AK8: variants seen among roughly 807,000 people sequenced by gnomAD.
AK8 encodes the protein ATP-AMP transphosphorylase 8.
AK8 carries 44 observed loss-of-function variants against 54.6 expected under a neutral mutation model. That is an observed-to-expected ratio of 0.81 (90% CI 0.63 to 1.04). AK8 has a LOEUF of 1.04. Ranked by LOEUF, AK8 falls within the 50% of genes least tolerant of loss-of-function variation. The probability of loss-of-function intolerance (pLI) is 0.00; values close to 1 mark genes in which losing one functional copy is unlikely to be tolerated. For missense variants in AK8, 555 were observed against 613.6 expected, an observed-to-expected ratio of 0.90 and a Z score of 1.01; for synonymous variants, 239 against 245.6, an observed-to-expected ratio of 0.97 and a Z score of 0.25.
At chr9:132,743,261 C>T (rs1430588565) in intron 11 of AK8, among the ~76,000 whole-genome samples, 4 of 152,262 alleles carry the variant, frequency 2.6e-5, no homozygotes, top group Non-Finnish European at 4.4e-5. Context: ...TCGGGCGGCC[C>T]CACAGGCACG....
chr9:132,822,898 G>T (rs1841703674), intron 9 of AK8, among the ~76,000 whole-genome samples: 1 of 152,016 alleles, frequency 6.6e-6, no homozygotes, highest in Non-Finnish European at 1.5e-5. Context: ...GCCACCCCTG[G>T]TGTACAGCAC....
chr9:132,857,198 C>T (rs1209908542), intron 4 of AK8, among the ~76,000 whole-genome samples: 2 of 152,184 alleles, frequency 1.3e-5, no homozygotes, highest in Non-Finnish European at 2.9e-5. Context: ...CAACAGAATG[C>T]TGGCAGAGCT....
At chr9:132,846,035 C>T (rs1426769734) in intron 5 of AK8, among the ~76,000 whole-genome samples, 1 of 152,188 alleles carries the variant, frequency 6.6e-6, no homozygotes. Context: ...GTGGGACACA[C>T]AGACGATCAC....
chr9:132,770,455 G>A lies in AK8; in HGVS notation c.1121+22179C>T, dbSNP rs566469093. Among the ~76,000 whole-genome samples, 11 of 152,338 alleles carry A rather than the reference G, an allele frequency of 7.2e-5. No homozygotes were observed. The highest frequency in any genetic ancestry group is 4.1e-4 in the South Asian group (2 of 4,830). ...AGCCCAGAACGCTGGCTGGGGTAGG[G>A]GGTGGGGCAGGGGCGAGGGGACACC... On this transcript the variant is annotated intron_variant, in intron 11 of 12. Coordinates refer to ENST00000298545, the MANE Select transcript of AK8 (RefSeq NM_152572.3). This position sits in a 1 kb window ranked among gnomAD's most constrained non-coding sequence, Gnocchi z 4.3.
rs532282225 is a variant in AK8 at position 132,863,650 on chromosome 9, C to T, written c.333+15G>A. ...GCTGCTGTGTGCCTACCCCTGTCCC[C>T]GGGGCCAGTCCTACCTTCCTTTGCA... On this transcript the variant is annotated intron_variant, in intron 4 of 12. Coordinates refer to ENST00000298545, the MANE Select transcript of AK8 (RefSeq NM_152572.3). 1.3e-5 allele frequency: 20 copies of T among 1,590,256 alleles called. No homozygotes were observed. The highest frequency in any genetic ancestry group is 1.1e-4 in the East Asian group (5 of 44,786).
At position 132,791,322 on chromosome 9, in the gene AK8, C is replaced by A. The variant is rs938043117; in HGVS notation, c.1121+1312G>T. ...ATCATGAGAACAGCATGGAGGAAAC[C>A]GCCCCCATGATCCGATCACCTCTCA... On this transcript the variant is annotated intron_variant, in intron 11 of 12. Transcript: ENST00000298545. This position sits in a 1 kb window ranked among gnomAD's most constrained non-coding sequence, Gnocchi z 4.0. Among the ~76,000 whole-genome samples, 3 of 152,070 alleles carry A rather than the reference C, an allele frequency of 2.0e-5. No individual in the cohort carries two copies. The highest frequency in any genetic ancestry group is 4.8e-5 in the African/African-American group (2 of 41,400).
chr9:132,794,247 T>C (rs879282259), intron 10 of AK8, among the ~76,000 whole-genome samples: 2 of 152,178 alleles, frequency 1.3e-5, no homozygotes, highest in Non-Finnish European at 2.9e-5. Flanking sequence ...CTTCAGCGAA[T>C]CCCATCCCTT....
chr9:132,824,698 A>G (rs1312408675), intron 8 of AK8, among the ~76,000 whole-genome samples: 1 of 152,188 alleles, frequency 6.6e-6, no homozygotes, highest in Non-Finnish European at 1.5e-5. Context: ...AACCGCTGGG[A>G]TATGTTCATT....
chr9:132,878,671 A>G (rs1844273404), upstream of AK8: 2 of 998,278 alleles, frequency 2.0e-6, no homozygotes, highest in African/African-American at 3.5e-5. The surrounding 1 kb of genome is among the most constrained non-coding windows in gnomAD (Gnocchi z 4.7). Context: ...AGACGCGGGA[A>G]TAAATGTGGG....
chr9:132,844,676 G>C (rs1015544232), intron 5 of AK8, among the ~76,000 whole-genome samples: 3 of 152,204 alleles, frequency 2.0e-5, no homozygotes, highest in African/African-American at 4.8e-5. Context: ...AAAACAAATT[G>C]AAGGAGATAT....
chr9:132,826,012 C>T lies in AK8; in HGVS notation c.757+842G>A, dbSNP rs1371613887. On this transcript the variant is annotated intron_variant, in intron 8 of 12. Transcript: ENST00000298545. This position sits in a 1 kb window ranked among gnomAD's most constrained non-coding sequence, Gnocchi z 4.5. The stretch of plus-strand genomic sequence containing the variant: ...GCTGTTTGGGGATAGAATTATTCTA[C>T]CTTGCCCTTGCCTTTTTGGGCAGGG... 6.6e-6 allele frequency among the ~76,000 whole-genome samples: 1 copy of T among 152,122 alleles called. No individual in the cohort carries two copies. Among genetic ancestry groups the T allele is most frequent in the Non-Finnish European group, 1.5e-5 (1 of 68,018 alleles).
chr9:132,791,088 A>T lies in AK8; in HGVS notation c.1121+1546T>A, dbSNP rs1373712621. ...CCGTTTCACACTGCTATAAACAACT[A>T]CTTGAGACTGGGTAATTTATAAAGG... On this transcript the variant is annotated intron_variant, in intron 11 of 12. Coordinates refer to ENST00000298545, the MANE Select transcript of AK8 (RefSeq NM_152572.3). This position sits in a 1 kb window ranked among gnomAD's most constrained non-coding sequence, Gnocchi z 4.0. Among the ~76,000 whole-genome samples the T allele has an allele frequency of 6.6e-6, 1 of 152,204 alleles. No homozygotes were observed. The highest frequency in any genetic ancestry group is 1.5e-5 in the Non-Finnish European group (1 of 68,040).
At position 132,828,532 on chromosome 9, in the gene AK8, T is replaced by C. The variant is rs1230052314; in HGVS notation, c.484+113A>G. The C allele has an allele frequency of 4.7e-6, 4 of 852,842 alleles. No homozygotes were observed. In the African/African-American group the frequency reaches 5.2e-5, roughly 11 times the overall value. 52.8% of individuals were successfully genotyped at this position (852,842 alleles called of 1,614,324 possible). On this transcript the variant is annotated intron_variant, in intron 6 of 12. Coordinates refer to ENST00000298545, the MANE Select transcript of AK8 (RefSeq NM_152572.3). ...TTGTGCTGTCCTCTTCCTTGCTGGGTCTCAGACGGTGCCTGGGCTGAGGTC... is the reference window on the plus strand; with the variant it reads ...TTGTGCTGTCCTCTTCCTTGCTGGGCCTCAGACGGTGCCTGGGCTGAGGTC...
intron 10 of AK8, among the ~76,000 whole-genome samples, chr9:132,794,953 C>T (rs1025664342): frequency 6.6e-6 from 1 of 152,220 alleles, no homozygotes; most frequent in Non-Finnish European, 1.5e-5. Flanking sequence ...TGGCACACAG[C>T]CGACACTCAA....
chr9:132,775,979 C>T (rs2131106531), intron 11 of AK8, among the ~76,000 whole-genome samples: 1 of 152,332 alleles, frequency 6.6e-6, no homozygotes, highest in Admixed American at 6.5e-5. Context: ...ACACAGACAA[C>T]ACACCTAGCA....
rs995480439 is a variant in AK8 at position 132,770,772 on chromosome 9, C to T, written c.1121+21862G>A. Among the ~76,000 whole-genome samples, 36 of 152,194 alleles carry T rather than the reference C, an allele frequency of 2.4e-4. No individual in the cohort carries two copies. The highest frequency in any genetic ancestry group is 8.2e-4 in the African/African-American group (34 of 41,458). On this transcript the variant is annotated intron_variant, in intron 11 of 12. Coordinates refer to ENST00000298545, the MANE Select transcript of AK8 (RefSeq NM_152572.3). This position sits in a 1 kb window ranked among gnomAD's most constrained non-coding sequence, Gnocchi z 4.3. ...TTGCTCCCTGTTGACCCCCATTCCC[C>T]CTCCCCTGGATCCAGGAACCCAGTG... is the stretch of plus-strand genomic sequence containing the variant.
chr9:132,861,654 G>A (rs903982590), intron 4 of AK8: 3 of 152,190 alleles, frequency 2.0e-5, no homozygotes, highest in African/African-American at 7.2e-5. Flanking sequence ...TGCTTAGGAG[G>A]GCAAAGCTAA....
chr9:132,862,237 C>A (rs543303737), intron 4 of AK8, among the ~76,000 whole-genome samples: 1 of 152,188 alleles, frequency 6.6e-6, no homozygotes, highest in South Asian at 2.1e-4. Flanking sequence ...GGGGTGGCCG[C>A]CTTGCTGAGC....
Position 132,746,727 on chromosome 9 carries a change from C to G in AK8, c.1122-19193G>C, listed in dbSNP as rs17149715. Among the ~76,000 whole-genome samples the G allele has an allele frequency of 2.5e-3, 375 of 152,260 alleles. 4 individuals are homozygous for G. The highest frequency in any genetic ancestry group is 8.6e-3 in the African/African-American group (358 of 41,544). ...CAGTGAGGTCTACAAGAATGCCTTACGGAGGCAGCAAAATAGATCCAGGTG... is the reference window on the plus strand; with the variant it reads ...CAGTGAGGTCTACAAGAATGCCTTAGGGAGGCAGCAAAATAGATCCAGGTG... On this transcript the variant is annotated intron_variant, in intron 11 of 12. Coordinates refer to ENST00000298545, the MANE Select transcript of AK8 (RefSeq NM_152572.3).
Sources: gnomAD v4.1 joint callset for allele counts (sites outside exome capture counted in the v4.1 genomes callset) on GRCh38, gnomAD v4.1.1 for gene constraint, Gnocchi (gnomAD v3.1) non-coding constraint, MANE v1.5 for transcripts, NCBI Gene and HGNC (gene_info 2026-07-23, HGNC 2026-07-21) for gene names.